MSR1: variants seen among roughly 807,000 people sequenced by gnomAD.
The protein encoded by MSR1 is macrophage scavenger receptor 1.
Under a neutral mutation model 47.2 loss-of-function variants are expected in MSR1, and 53 were observed. The observed-to-expected ratio is 1.12, with a 90% CI of 0.90 to 1.41. The LOEUF (loss-of-function observed/expected upper bound fraction) is 1.41, where lower values mean the gene tolerates loss of function less well. Among genes scored for constraint, MSR1 ranks in the 40% most tolerant of loss-of-function variants. The probability of loss-of-function intolerance (pLI) is 0.00; values close to 1 mark genes in which losing one functional copy is unlikely to be tolerated. For missense variants in MSR1, 786 were observed against 546.9 expected (o/e 1.44, Z -4.36); for synonymous variants, 239 against 185.6 (o/e 1.29, Z -2.34).
chr8:16,140,074 G>C (rs775236674), intron 8 of MSR1: 1 of 657,310 alleles, frequency 1.5e-6, no homozygotes, highest in African/African-American at 2.9e-5. Flanking sequence ...GTACATAATG[G>C]ACATGTGAAT....
Position 16,150,286 on chromosome 8 carries a change from C to A in MSR1, c.924G>T (p.Arg308=). 1 of 1,570,200 alleles carries A rather than the reference C, an allele frequency of 6.4e-7. No individual in the cohort carries two copies. The highest frequency in any genetic ancestry group is 8.7e-7 in the Non-Finnish European group (1 of 1,155,630). ...GACTTCCAGGAAAGCCAATTGCTCC[C>A]CGATCACCTTTAAGACCCGGAGGAC... ...PIGPPGLKGD[R]GAIGFPGSRG... The change falls in exon 7 of 10, where the codon CGG becomes CGT. Residue 308 remains arginine (R), a synonymous_variant. Coordinates refer to ENST00000262101, the MANE Select transcript of MSR1 (RefSeq NM_138715.3).
intron 8 of MSR1, among the ~76,000 whole-genome samples, chr8:16,141,713 T>A (rs977151430): frequency 1.3e-5 from 2 of 152,034 alleles, no homozygotes; most frequent in African/African-American, 4.8e-5. Flanking sequence ...AAAATAGCCA[T>A]GAAAATACTG....
chr8:16,143,413 T>C (rs1489338637), intron 8 of MSR1, 145 bp downstream of exon 8: 5 of 614,638 alleles, frequency 8.1e-6, no homozygotes, highest in South Asian at 2.1e-5. Context: ...AGCATGCTTA[T>C]TTGTAGAAAA....
intron 5 of MSR1, among the ~76,000 whole-genome samples, chr8:16,158,762 G>A (rs970616379): frequency 6.6e-6 from 1 of 151,804 alleles, no homozygotes; most frequent in East Asian, 1.9e-4. Context: ...AGCTAGTTGG[G>A]TTAAATCAGA....
chr8:16,122,113 C>T (rs1231012992), intron 8 of MSR1, among the ~76,000 whole-genome samples: 1 of 152,000 alleles, frequency 6.6e-6, no homozygotes, highest in African/African-American at 2.4e-5. Context: ...TAATTCAGTG[C>T]TAAATACTGA....
In MSR1 at chr8:16,164,191, C is replaced by G; in HGVS notation, c.691G>C (p.Glu231Gln). ...TCCTGTTCCAAATGCACTTGTTCTT[C>G]TTTCATAGCCATAATTTCTGCTGAT... ...NVSAEIMAMK[E>Q]EQVHLEQEIK... Residue 231 changes from glutamate (E) to glutamine (Q), a missense_variant, in exon 5 of 10, where the codon GAA becomes CAA. Physicochemically the swap from Glu to Gln is conservative, Grantham distance 29 (BLOSUM62 2). Transcript: ENST00000262101. The G allele has an allele frequency of 1.2e-6, 2 of 1,612,322 alleles. No homozygotes were observed. The highest frequency in any genetic ancestry group is 2.2e-5 in the South Asian group (2 of 91,036).
rs536117344 is a variant in MSR1, at chr8:16,164,525, A to C, written c.631-274T>G. 2.0e-5 allele frequency among the ~76,000 whole-genome samples: 3 copies of C among 152,130 alleles called. No individual in the cohort carries two copies. In the East Asian group the frequency reaches 5.8e-4, roughly 29 times the overall value. On this transcript the variant is annotated intron_variant, in intron 4 of 9. Coordinates refer to ENST00000262101, the MANE Select transcript of MSR1 (RefSeq NM_138715.3). ...GATATGTTTCTATTCCTATATATAT[A>C]GATGTCAAAATTCTAACAATAAAAT...
intron 9 of MSR1, among the ~76,000 whole-genome samples, chr8:16,115,779 A>G (rs1387605338): frequency 6.6e-6 from 1 of 152,024 alleles, no homozygotes; most frequent in East Asian, 1.9e-4. Context: ...GGAGTTTTAG[A>G]TGAGCCTGAG....
chr8:16,137,753 G>T (rs1800427253), intron 8 of MSR1, among the ~76,000 whole-genome samples: 1 of 152,114 alleles, frequency 6.6e-6, no homozygotes, highest in South Asian at 2.1e-4. Flanking sequence ...AAGATTTTGG[G>T]AGGTTGAGGC....
At chr8:16,121,509 T>C (rs1800005086) in intron 8 of MSR1, among the ~76,000 whole-genome samples, 1 of 152,010 alleles carries the variant, frequency 6.6e-6, no homozygotes, top group Admixed American at 6.5e-5. Flanking sequence ...TAAGAGCAAT[T>C]CACTTGGCGT....
chr8:16,146,414 G>A (rs755640533), intron 7 of MSR1, among the ~76,000 whole-genome samples: 28 of 151,754 alleles, frequency 1.8e-4, no homozygotes, highest in Admixed American at 4.6e-4. Context: ...AACAAAAAAT[G>A]CATCTCTTCC....
At chr8:16,143,659 A>G (rs775931669) in intron 7 of MSR1, 48 bp from the exon 8 acceptor site, 2 of 1,451,074 alleles carry the variant, frequency 1.4e-6, no homozygotes, top group East Asian at 2.3e-5. Flanking sequence ...GCAATTCACA[A>G]TGTTTGCTTT....
At chr8:16,138,684 T>G (rs1800450968) in intron 8 of MSR1, among the ~76,000 whole-genome samples, 1 of 152,116 alleles carries the variant, frequency 6.6e-6, no homozygotes, top group Non-Finnish European at 1.5e-5. Flanking sequence ...ATACTCTACC[T>G]GACTTGCAGT....
chr8:16,131,866 G>A (rs1008361227), intron 8 of MSR1, among the ~76,000 whole-genome samples: 2 of 151,996 alleles, frequency 1.3e-5, no homozygotes, highest in African/African-American at 4.8e-5. Context: ...CTAGTACCAT[G>A]CTGTTTTTGT....
intron 5 of MSR1, among the ~76,000 whole-genome samples, chr8:16,163,210 C>A (rs1368751602): frequency 6.6e-6 from 1 of 151,576 alleles, no homozygotes; most frequent in Non-Finnish European, 1.5e-5. Context: ...GGCAATACAG[C>A]AAAGCAAAAG....
At chr8:16,116,793 C>CATGTGCTTGAACCA (rs1333279910) in intron 9 of MSR1, among the ~76,000 whole-genome samples, 1 of 152,118 alleles carries the variant, frequency 6.6e-6, no homozygotes, top group Non-Finnish European at 1.5e-5. Flanking sequence ...CTATGTTTTT[C>CATGTGCTTGAACCA]TCACCTATGT....
rs918 is a variant in MSR1 at position 16,109,569 on chromosome 8, C to T, written c.*516G>A. On this transcript the variant is annotated 3_prime_UTR_variant, in exon 10 of 10. Transcript: ENST00000262101. ...TTGATATCTAATACACAAGTTATTG[C>T]ACATTGAGATATCTTAATAGTTGGA... 14,857 of 165,536 alleles carry T rather than the reference C, an allele frequency of 0.09. 890 individuals are homozygous for T. Among genetic ancestry groups the T allele is most frequent in the African/African-American group, 0.16 (6,583 of 41,542 alleles). The allele number at this position is 165,536 out of a possible 1,614,324, so 10.3% of individuals were successfully genotyped here. A position where few individuals can be genotyped will look rare whatever the true frequency, so the allele number is the denominator to read the frequency against.
intron 8 of MSR1, among the ~76,000 whole-genome samples, chr8:16,123,478 C>G (rs763636731): frequency 8.6e-5 from 13 of 151,700 alleles, no homozygotes; most frequent in Non-Finnish European, 1.8e-4. Flanking sequence ...TAAAGAATGT[C>G]TGTCGTTTCT....
At chr8:16,162,797 T>C (rs1234670999) in intron 5 of MSR1, among the ~76,000 whole-genome samples, 1 of 152,016 alleles carries the variant, frequency 6.6e-6, no homozygotes, top group Non-Finnish European at 1.5e-5. Context: ...CTACATGTTC[T>C]GGACCAAGAA....
Sources: gnomAD v4.1 joint callset for allele counts (sites outside exome capture counted in the v4.1 genomes callset) on GRCh38, gnomAD v4.1.1 for gene constraint, MANE v1.5 for transcripts, NCBI Gene and HGNC (gene_info 2026-07-23, HGNC 2026-07-21) for gene names.